ABI3BP: variants seen among roughly 807,000 people sequenced by gnomAD.
ABI3BP encodes ABI family member 3 binding protein, also known as target of Nesh-SH3.
Under a neutral mutation model 268.6 loss-of-function variants are expected in ABI3BP, and 216 were observed. That is an observed-to-expected ratio of 0.80 (90% CI 0.72 to 0.90). ABI3BP has a LOEUF of 0.90. Ranked by LOEUF, ABI3BP falls within the 40% of genes least tolerant of loss-of-function variation. The pLI, the probability that ABI3BP is intolerant of heterozygous loss-of-function variation, is 0.00. For missense variants in ABI3BP, 2,090 were observed against 2,182.4 expected, an observed-to-expected ratio of 0.96 and a Z score of 0.84; for synonymous variants, 730 against 730.0, an observed-to-expected ratio of 1.00 and a Z score of 0.00.
rs1479171774 is a variant in ABI3BP, at chr3:100,753,786, A to T, written c.4960+33T>A. ...TTCAGTTGAATAAATTTAGAAAAGC[A>T]TGTAGTTGTGCCTCATTGAGACAGG... On this transcript the variant is annotated intron_variant, in intron 65 of 67. Coordinates refer to ENST00000471714, the MANE Select transcript of ABI3BP (RefSeq NM_001375547.2). 2.5e-6 allele frequency: 4 copies of T among 1,607,502 alleles called. No homozygotes were observed. In the African/African-American group the frequency reaches 4.0e-5, roughly 16 times the overall value.
chr3:100,971,967 G>A (rs1461923319), intron 1 of ABI3BP, among the ~76,000 whole-genome samples: 3 of 152,056 alleles, frequency 2.0e-5, no homozygotes, highest in African/African-American at 4.8e-5. Flanking sequence ...ACAGAAATGC[G>A]GGCTGAGAAG....
Position 100,775,315 on chromosome 3 carries a change from T to C in ABI3BP, c.4354A>G (p.Ile1452Val). The C allele has an allele frequency of 1.2e-6, 2 of 1,606,748 alleles. No homozygotes were observed. The highest frequency in any genetic ancestry group is 1.7e-6 in the Non-Finnish European group (2 of 1,176,210). Residue 1452 changes from isoleucine (I) to valine (V), a missense_variant, in exon 60 of 68, where the codon ATA (isoleucine) becomes GTA (valine). Coordinates refer to ENST00000471714, the MANE Select transcript of ABI3BP (RefSeq NM_001375547.2). ...GTTGACCTCAGGGGTGGTGTAGTTA[T>C]TGGGCCTGATGAAATGATTCCTGTA... ...GSAGIISSGPITTPPLRSTPR... is the reference protein window; with the variant it reads ...GSAGIISSGPVTTPPLRSTPR...
chr3:100,904,787 A>C (rs976593598), intron 2 of ABI3BP, among the ~76,000 whole-genome samples: 1 of 152,214 alleles, frequency 6.6e-6, no homozygotes, highest in African/African-American at 2.4e-5. Context: ...ATGTGGAGAA[A>C]TAGGAACACT....
chr3:100,968,471 T>A (rs936212083), intron 1 of ABI3BP, among the ~76,000 whole-genome samples: 4 of 152,210 alleles, frequency 2.6e-5, no homozygotes, highest in Non-Finnish European at 5.9e-5. Flanking sequence ...TTTGGTGTAA[T>A]CAAATAGGAA....
intron 1 of ABI3BP, among the ~76,000 whole-genome samples, chr3:100,939,454 C>T (rs917665408): frequency 3.9e-5 from 6 of 151,960 alleles, no homozygotes; most frequent in Admixed American, 6.6e-5. Context: ...GGAGAGAGTA[C>T]AAAAGAGAGA....
chr3:100,935,918 T>A (rs1402042596), intron 1 of ABI3BP, among the ~76,000 whole-genome samples: 2 of 152,236 alleles, frequency 1.3e-5, no homozygotes, highest in Admixed American at 1.3e-4. Context: ...TCATGTCATC[T>A]GCAAACAGAG....
intron 51 of ABI3BP, among the ~76,000 whole-genome samples, chr3:100,799,475 A>C (rs923712859): frequency 6.6e-6 from 1 of 152,156 alleles, no homozygotes; most frequent in African/African-American, 2.4e-5. Context: ...TACTCACGTA[A>C]GTTTCTAAAA....
intron 1 of ABI3BP, among the ~76,000 whole-genome samples, chr3:100,970,135 G>T (rs2082939250): frequency 6.6e-6 from 1 of 152,110 alleles, no homozygotes; most frequent in African/African-American, 2.4e-5. Flanking sequence ...CTGTTATATT[G>T]TTAAAAAAGA....
At position 100,902,147 on chromosome 3, in the gene ABI3BP, A is replaced by G. The variant is rs76375199; in HGVS notation, c.328+471T>C. Among the ~76,000 whole-genome samples the G allele has an allele frequency of 2.2e-3, 329 of 152,320 alleles. 4 individuals are homozygous for G. The East Asian group carries it at 0.059, about 27-fold the overall frequency. ...CTGATCTATTTAACACACATACATGAATTATCCTTTTAAAATGTAAACAGT... is the reference window on the plus strand; with the variant it reads ...CTGATCTATTTAACACACATACATGGATTATCCTTTTAAAATGTAAACAGT... On this transcript the variant is annotated intron_variant, in intron 3 of 67. Transcript: ENST00000471714.
At chr3:100,752,572 A>G (rs910152446) in intron 66 of ABI3BP, 6 of 482,130 alleles carry the variant, frequency 1.2e-5, no homozygotes, top group Non-Finnish European at 2.2e-5. Context: ...GCACTGTTTT[A>G]TAATTGCATT....
At chr3:100,770,995 C>G in intron 61 of ABI3BP, 43 bp from the exon 62 acceptor site, 1 of 1,424,078 alleles carries the variant, frequency 7.0e-7, no homozygotes, top group Non-Finnish European at 9.4e-7. Context: ...TTTTGAAACT[C>G]ATGAAGAAGA....
In ABI3BP at chr3:100,898,759, T is replaced by C; in HGVS notation, c.461+3A>G. On this transcript the variant is annotated splice_donor_region_variant and intron_variant, in intron 4 of 67. Transcript: ENST00000471714. ...TGCTATTAAAAGCAAATGCTAATAT[T>C]ACCTGTCATTGGGACAGTGACTTGG... The C allele has an allele frequency of 6.2e-7, 1 of 1,612,696 alleles. No individual in the cohort carries two copies. Among genetic ancestry groups the C allele is most frequent in the Non-Finnish European group, 8.5e-7 (1 of 1,179,256 alleles).
At chr3:100,929,454 G>A (rs9827694) in intron 1 of ABI3BP, among the ~76,000 whole-genome samples, 19,679 of 151,950 alleles carry the variant, frequency 0.13, 1,457 homozygotes, top group Middle Eastern at 0.19. Context: ...CTATTCAAAT[G>A]AATTGGCATT....
At chr3:100,852,505 A>G (rs1182480033) in intron 14 of ABI3BP, among the ~76,000 whole-genome samples, 1 of 152,208 alleles carries the variant, frequency 6.6e-6, no homozygotes, top group Non-Finnish European at 1.5e-5. Context: ...TTTGTAGACA[A>G]TAGGAGGTTA....
intron 44 of ABI3BP, 60 bp downstream of exon 44, chr3:100,815,852 C>T: frequency 7.8e-7 from 1 of 1,284,202 alleles, no homozygotes; most frequent in Non-Finnish European, 1.1e-6. Context: ...CATGACAGTG[C>T]TCAAGTGCGT....
chr3:100,986,009 A>G (rs1165656280), intron 1 of ABI3BP, among the ~76,000 whole-genome samples: 4 of 152,188 alleles, frequency 2.6e-5, no homozygotes, highest in Non-Finnish European at 5.9e-5. Flanking sequence ...TAAACCTGTG[A>G]GTTGCTTCTA....
intron 1 of ABI3BP, among the ~76,000 whole-genome samples, chr3:100,966,450 A>G (rs1339222782): frequency 1.3e-5 from 2 of 152,200 alleles, no homozygotes; most frequent in Admixed American, 6.5e-5. Flanking sequence ...TGAGTATGAC[A>G]CGTACCATAT....
rs115963326 is a variant in ABI3BP at position 100,918,330 on chromosome 3, G to A, written c.259+7972C>T. On this transcript the variant is annotated intron_variant, in intron 2 of 67. Transcript: ENST00000471714. ...CATCCACCCGTCCACCTGTCCACCCGTCCACCCATCCACCCGTCCACTCAT... is the reference window on the plus strand; with the variant it reads ...CATCCACCCGTCCACCTGTCCACCCATCCACCCATCCACCCGTCCACTCAT... Among the ~76,000 whole-genome samples, 657 of 148,242 alleles carry A rather than the reference G, an allele frequency of 4.4e-3. 1 individual carries two copies. The highest frequency in any genetic ancestry group is 0.014 in the Middle Eastern group (4 of 288).
At chr3:100,826,728 C>G (rs552790170) in intron 34 of ABI3BP, among the ~76,000 whole-genome samples, 1 of 152,208 alleles carries the variant, frequency 6.6e-6, no homozygotes, top group South Asian at 2.1e-4. Flanking sequence ...TCTGTCCAAA[C>G]AAAAGCACTC....
Sources: gnomAD v4.1 joint callset for allele counts (sites outside exome capture counted in the v4.1 genomes callset) on GRCh38, gnomAD v4.1.1 for gene constraint, MANE v1.5 for transcripts, NCBI Gene and HGNC (gene_info 2026-07-23, HGNC 2026-07-21) for gene names.